PIGL: variants seen among roughly 807,000 people sequenced by gnomAD.
PIGL encodes N-acetylglucosaminyl-phosphatidylinositol de-N-acetylase.
A neutral mutation model predicts 31.1 loss-of-function variants in PIGL; 22 were observed. The observed-to-expected ratio is 0.71, with a 90% confidence interval of 0.51 to 1.01. The LOEUF (loss-of-function observed/expected upper bound fraction) is 1.01. PIGL is among the 50% of genes least tolerant of loss of function. The pLI is 0.00. For missense variants in PIGL, 302 were observed against 315.9 expected, an observed-to-expected ratio of 0.96 and a Z score of 0.33; for synonymous variants, 131 against 117.4, an observed-to-expected ratio of 1.12 and a Z score of -0.75.
chr17:16,263,568 A>T (rs1031775810), intron 2 of PIGL, among the ~76,000 whole-genome samples: 1 of 151,604 alleles, frequency 6.6e-6, no homozygotes, highest in Non-Finnish European at 1.5e-5. Context: ...TCTGTTGCCC[A>T]GGCTGGAGTG....
At chr17:16,281,737 G>A (rs1251000415) in intron 2 of PIGL, among the ~76,000 whole-genome samples, 2 of 152,172 alleles carry the variant, frequency 1.3e-5, no homozygotes, top group Non-Finnish European at 2.9e-5. Context: ...TACTGATATT[G>A]GCAAATTTTT....
chr17:16,285,252 A>G (rs2092932391), intron 2 of PIGL, among the ~76,000 whole-genome samples: 1 of 152,268 alleles, frequency 6.6e-6, no homozygotes. Flanking sequence ...TGTAATACCT[A>G]GCACTCATGC....
intron 1 of PIGL, among the ~76,000 whole-genome samples, chr17:16,227,541 A>G (rs2142653231): frequency 6.6e-6 from 1 of 151,326 alleles, no homozygotes; most frequent in East Asian, 1.9e-4. Context: ...CTTGATCTGC[A>G]GAGATATGAG....
At chr17:16,221,854 C>G (rs973786236) in intron 1 of PIGL, among the ~76,000 whole-genome samples, 2 of 152,032 alleles carry the variant, frequency 1.3e-5, no homozygotes, top group African/African-American at 4.8e-5. Context: ...CTCCTGACCT[C>G]GTGATTCGCC....
chr17:16,267,721 AG>A (rs1600802024), intron 2 of PIGL, among the ~76,000 whole-genome samples: 3 of 151,928 alleles, frequency 2.0e-5, no homozygotes, highest in Non-Finnish European at 4.4e-5. Flanking sequence ...GAAAAAAAAA[AG>A]AAAAGGAAAG....
intron 2 of PIGL, among the ~76,000 whole-genome samples, chr17:16,246,241 C>T (rs906947519): frequency 6.6e-6 from 1 of 150,902 alleles, no homozygotes; most frequent in Non-Finnish European, 1.5e-5. Context: ...TACTTCAGGC[C>T]GGGTGCGGTG....
chr17:16,303,541 CTT>C (rs561800983), intron 3 of PIGL, among the ~76,000 whole-genome samples: 3 of 146,100 alleles, frequency 2.1e-5, no homozygotes, highest in African/African-American at 5.0e-5. Flanking sequence ...TAAATTTCTC[CTT>C]TTTTTTTTTT....
At chr17:16,282,836 G>C (rs966916149) in intron 2 of PIGL, among the ~76,000 whole-genome samples, 8 of 152,034 alleles carry the variant, frequency 5.3e-5, no homozygotes, top group Admixed American at 5.2e-4. Flanking sequence ...CCCTATTATG[G>C]GTCCAGCAGC....
intron 2 of PIGL, among the ~76,000 whole-genome samples, chr17:16,270,087 G>A (rs146586613): frequency 0.011 from 1,726 of 152,088 alleles, 16 homozygotes; most frequent in Middle Eastern, 0.024. Flanking sequence ...AGGAGTTCGA[G>A]ACCAGCCTGC....
intron 3 of PIGL, among the ~76,000 whole-genome samples, chr17:16,309,035 C>T (rs1437094424): frequency 6.6e-6 from 1 of 152,200 alleles, no homozygotes; most frequent in Admixed American, 6.5e-5. Flanking sequence ...AAGCGATCCT[C>T]CTACTTCAGC....
chr17:16,288,157 T>C (rs1009409286), intron 2 of PIGL, among the ~76,000 whole-genome samples: 1 of 152,218 alleles, frequency 6.6e-6, no homozygotes, highest in Non-Finnish European at 1.5e-5. Flanking sequence ...TTTGCATTTC[T>C]TCTTTTCTAA....
rs1438319540 is a variant in PIGL, at chr17:16,253,300, A to C, written c.335+19230A>C. 3.9e-5 allele frequency among the ~76,000 whole-genome samples: 6 copies of C among 152,082 alleles called. No individual in the cohort carries two copies. In the East Asian group the frequency reaches 1.2e-3, roughly 29 times the overall value. On this transcript the variant is annotated intron_variant, in intron 2 of 6. Transcript: ENST00000225609. ...ACAACAACAAAAACGTAAAACAAAC[A>C]AGATCCCTCCAATTAAAACCCATGC... is the stretch of plus-strand genomic sequence containing the variant.
At chr17:16,319,252 CTATT>C (rs2093092555) in intron 6 of PIGL, among the ~76,000 whole-genome samples, 1 of 134,816 alleles carries the variant, frequency 7.4e-6, no homozygotes, top group Non-Finnish European at 1.6e-5. Context: ...AAAATCAAAA[CTATT>C]TATTATGAAC....
At chr17:16,233,497 TACTC>T (rs2092687254) in intron 1 of PIGL, among the ~76,000 whole-genome samples, 1 of 152,156 alleles carries the variant, frequency 6.6e-6, no homozygotes, top group Admixed American at 6.5e-5. Context: ...TTTCCTGTAA[TACTC>T]AGGAGTAGCA....
intron 3 of PIGL, among the ~76,000 whole-genome samples, chr17:16,310,578 C>T (rs1361420839): frequency 6.6e-6 from 1 of 151,976 alleles, no homozygotes; most frequent in Non-Finnish European, 1.5e-5. Flanking sequence ...CTCTTGTCAC[C>T]CAGGCTGGAG....
intron 3 of PIGL, among the ~76,000 whole-genome samples, chr17:16,307,640 T>A (rs1386639985): frequency 6.6e-6 from 1 of 152,092 alleles, no homozygotes; most frequent in East Asian, 1.9e-4. Context: ...GTAATGTCAT[T>A]AGCTGTTATT....
chr17:16,311,313 A>G (rs1600855083), intron 3 of PIGL, among the ~76,000 whole-genome samples: 1 of 148,812 alleles, frequency 6.7e-6, no homozygotes, highest in South Asian at 2.1e-4. Context: ...TTTAGCAATT[A>G]TTATTATCAT....
chr17:16,222,363 A>C (rs1224985518), intron 1 of PIGL, among the ~76,000 whole-genome samples: 1 of 152,020 alleles, frequency 6.6e-6, no homozygotes, highest in Non-Finnish European at 1.5e-5. Flanking sequence ...GATTTGCATG[A>C]ATAATTCATT....
In PIGL at chr17:16,217,334, G is replaced by A; in HGVS notation, c.108G>A (p.Arg36=). 1 of 1,614,206 alleles carries A rather than the reference G, an allele frequency of 6.2e-7. No homozygotes were observed. The highest frequency in any genetic ancestry group is 1.7e-5 in the Admixed American group (1 of 60,016). Residue 36 remains arginine, a synonymous_variant, in exon 1 of 7, where the codon CGG becomes CGA. Coordinates refer to ENST00000225609, the MANE Select transcript of PIGL (RefSeq NM_004278.4). Reference sequence around the variant, plus strand: ...TGAAGAGTCGGGAGCAGGGAGGACGGCTGGGAGCCGAAAGCCGGACCCTGC... The same window carrying A: ...TGAAGAGTCGGGAGCAGGGAGGACGACTGGGAGCCGAAAGCCGGACCCTGC... ...ERMKSREQGG[R]LGAESRTLLV...
Sources: gnomAD v4.1 joint callset for allele counts (sites outside exome capture counted in the v4.1 genomes callset) on GRCh38, gnomAD v4.1.1 for gene constraint, MANE v1.5 for transcripts, NCBI Gene and HGNC (gene_info 2026-07-23, HGNC 2026-07-21) for gene names.